LANCL2: variants seen among roughly 807,000 people sequenced by gnomAD.
LANCL2 encodes the protein LanC like glutathione S-transferase 2.
Under a neutral mutation model 56.9 loss-of-function variants are expected in LANCL2, and 33 were observed. That is an observed-to-expected ratio of 0.58 (90% CI 0.44 to 0.78). The LOEUF (loss-of-function observed/expected upper bound fraction) is 0.78, where lower values mean the gene tolerates loss of function less well. Among genes scored for constraint, LANCL2 ranks in the 30% least tolerant of loss-of-function variants. The probability of loss-of-function intolerance (pLI) is 0.00; values close to 1 mark genes in which losing one functional copy is unlikely to be tolerated. For synonymous variants in LANCL2, 233 were observed against 228.2 expected (o/e 1.02, Z -0.19); for missense variants, 562 against 580.2 (o/e 0.97, Z 0.32).
chr7:55,378,391 T>C lies in LANCL2; in HGVS notation c.204+12162T>C, dbSNP rs148164084. ...ATAAGAATCACTTGAACCCAGGAGG[T>C]AGGAGGTTGCAGTGAGCTGAGATCA... On this transcript the variant is annotated intron_variant, in intron 1 of 8. Coordinates refer to ENST00000254770, the MANE Select transcript of LANCL2 (RefSeq NM_018697.4). Among the ~76,000 whole-genome samples the C allele has an allele frequency of 4.6e-5, 7 of 151,820 alleles. No homozygotes were observed. The East Asian group carries it at 5.8e-4, about 13-fold the overall frequency.
In LANCL2 at chr7:55,431,631, T is replaced by C. The variant is rs1443387389; in HGVS notation, c.*311T>C. 1 of 280,102 alleles carries C rather than the reference T, an allele frequency of 3.6e-6. No homozygotes were observed. The highest frequency in any genetic ancestry group is 6.7e-6 in the Non-Finnish European group (1 of 149,242). The allele number at this position is 280,102 out of a possible 1,614,324, so 17.4% of individuals were successfully genotyped here. The stretch of plus-strand genomic sequence containing the variant: ...ATTCCTGAGGGCTCAGAGCTGACCA[T>C]GCATGAATGTATGGCAGTGTCCACT... On this transcript the variant is annotated 3_prime_UTR_variant, in exon 9 of 9. Coordinates refer to ENST00000254770, the MANE Select transcript of LANCL2 (RefSeq NM_018697.4).
At chr7:55,424,170 A>G (rs148706256) in intron 6 of LANCL2, among the ~76,000 whole-genome samples, 185 of 152,308 alleles carry the variant, frequency 1.2e-3, no homozygotes, top group African/African-American at 4.3e-3. Flanking sequence ...GATAACTAAG[A>G]ACAGACTCTG....
intron 8 of LANCL2, among the ~76,000 whole-genome samples, chr7:55,430,642 G>A (rs1790717253): frequency 6.6e-6 from 1 of 152,200 alleles, no homozygotes; most frequent in Admixed American, 6.5e-5. Context: ...AAGAAAAACT[G>A]TAAACAAAAA....
At position 55,427,733 on chromosome 7, in the gene LANCL2, G is replaced by C. The variant is rs533548469; in HGVS notation, c.1186-642G>C. ...TCATGTTTATTACTTATGATTCTTA[G>C]TGTACAAATGACCCTTCAAATTATG... is the stretch of plus-strand genomic sequence containing the variant. On this transcript the variant is annotated intron_variant, in intron 7 of 8. Coordinates refer to ENST00000254770, the MANE Select transcript of LANCL2 (RefSeq NM_018697.4). Among the ~76,000 whole-genome samples, 548 of 152,324 alleles carry C rather than the reference G, an allele frequency of 3.6e-3. 3 individuals are homozygous for C. The highest frequency in any genetic ancestry group is 4.8e-3 in the Non-Finnish European group (328 of 68,030).
At chr7:55,425,503 A>G in intron 7 of LANCL2, 73 bp downstream of exon 7, 1 of 1,361,578 alleles carries the variant, frequency 7.3e-7, no homozygotes, top group African/African-American at 1.4e-5. Flanking sequence ...CAGAAGTACA[A>G]CTCCTGTTCC....
At chr7:55,397,656 C>CTTTTTTTTTTT (rs10659615) in intron 2 of LANCL2, among the ~76,000 whole-genome samples, 10 of 108,820 alleles carry the variant, frequency 9.2e-5, no homozygotes, top group South Asian at 3.2e-4. Flanking sequence ...TATACTGATT[C>CTTTTTTTTTTT]TTTTTTTTTT....
chr7:55,389,417 A>G (rs910365847), intron 1 of LANCL2, among the ~76,000 whole-genome samples: 5 of 152,230 alleles, frequency 3.3e-5, no homozygotes, highest in Non-Finnish European at 5.9e-5. Flanking sequence ...TACACAAGAG[A>G]TGGACTTTAA....
Position 55,431,230 on chromosome 7 carries a change from G to A in LANCL2, c.1263G>A (p.Met421Ile). The change falls in exon 9 of 9, where the codon ATG becomes ATA. Residue 421 changes from methionine to isoleucine, a missense_variant. Physicochemically the swap from Met to Ile is conservative, Grantham distance 10. Around this residue, in one of 2 missense-constraint regions of LANCL2, gnomAD observed 378 missense variants for 468.4 expected, o/e 0.81. Coordinates refer to ENST00000254770, the MANE Select transcript of LANCL2 (RefSeq NM_018697.4). The stretch of plus-strand genomic sequence containing the variant: ...GCTCCTCATTTTACATTGCAGGCAT[G>A]GCTGGCGCTATTCACTTTCTCTCTG... ...PDRPYSLFEG[M>I]AGAIHFLSDV... 1 of 1,612,220 alleles carries A rather than the reference G, an allele frequency of 6.2e-7. No homozygotes were observed.
At chr7:55,373,100 A>G (rs1280729599) in intron 1 of LANCL2, among the ~76,000 whole-genome samples, 1 of 152,162 alleles carries the variant, frequency 6.6e-6, no homozygotes, top group Non-Finnish European at 1.5e-5. Context: ...CTGGGTCTCC[A>G]GATTCGTAAG....
chr7:55,400,235 A>C, intron 4 of LANCL2, 131 bp downstream of exon 4: 1 of 657,152 alleles, frequency 1.5e-6, no homozygotes, highest in Non-Finnish European at 2.3e-6. Flanking sequence ...CAAAAGTAAG[A>C]AATAGTCCCT....
rs1023354754 is a variant in LANCL2 at position 55,432,493 on chromosome 7, T to G, written c.*1173T>G. ...CCTTCATTAATTCTATCACATAGAT[T>G]TCAGTTTTTAGAAGGGTTTCTGTCA... is the stretch of plus-strand genomic sequence containing the variant. On this transcript the variant is annotated 3_prime_UTR_variant, in exon 9 of 9. Coordinates refer to ENST00000254770, the MANE Select transcript of LANCL2 (RefSeq NM_018697.4). 1 of 152,178 alleles carries G rather than the reference T, an allele frequency of 6.6e-6. No individual in the cohort carries two copies. The highest frequency in any genetic ancestry group is 1.5e-5 in the Non-Finnish European group (1 of 68,034). 9.4% of individuals were successfully genotyped at this position (152,178 alleles called of 1,614,324 possible). A position where few individuals can be genotyped will look rare whatever the true frequency, so the allele number is the denominator to read the frequency against.
At chr7:55,408,245 G>C (rs1790432477) in intron 5 of LANCL2, among the ~76,000 whole-genome samples, 1 of 152,178 alleles carries the variant, frequency 6.6e-6, no homozygotes, top group Non-Finnish European at 1.5e-5. Context: ...GGCAGAAATA[G>C]ACAATGGGAG....
intron 6 of LANCL2, among the ~76,000 whole-genome samples, chr7:55,417,312 A>T (rs548045288): frequency 1.3e-5 from 2 of 151,708 alleles, no homozygotes; most frequent in South Asian, 4.2e-4. Context: ...GGGATATCTG[A>T]TTGTTCCCAT....
intron 6 of LANCL2, among the ~76,000 whole-genome samples, chr7:55,412,361 T>A (rs1369810063): frequency 6.6e-6 from 1 of 152,232 alleles, no homozygotes; most frequent in African/African-American, 2.4e-5. Flanking sequence ...AGTGGTGAGA[T>A]GATTTTCATT....
At chr7:55,415,621 C>CTTTTTTTTTTCTTTTTTT (rs71031852) in intron 6 of LANCL2, among the ~76,000 whole-genome samples, 1 of 111,770 alleles carries the variant, frequency 8.9e-6, no homozygotes, top group Admixed American at 1.1e-4. Flanking sequence ...GTTTTTCTTT[C>CTTTTTTTTTTCTTTTTTT]TTTTTTTTGA....
At chr7:55,425,557 C>G (rs1790655699) in intron 7 of LANCL2, 127 bp downstream of exon 7, 1 of 833,522 alleles carries the variant, frequency 1.2e-6, no homozygotes. Flanking sequence ...TCCTCTTTTT[C>G]TTCTGGCACA....
At chr7:55,403,569 GTTTTT>G (rs34481346) in intron 5 of LANCL2, among the ~76,000 whole-genome samples, 5 of 99,486 alleles carry the variant, frequency 5.0e-5, no homozygotes, top group Non-Finnish European at 1.0e-4. Flanking sequence ...TTTGTTTGTT[GTTTTT>G]TTTTTTTTTT....
chr7:55,382,872 G>A (rs1790084922), intron 1 of LANCL2, among the ~76,000 whole-genome samples: 3 of 152,228 alleles, frequency 2.0e-5, no homozygotes, highest in Admixed American at 1.3e-4. Context: ...TGGCTAATTT[G>A]TTAGTCTTAA....
At chr7:55,427,836 A>G (rs992349733) in intron 7 of LANCL2, among the ~76,000 whole-genome samples, 1 of 152,236 alleles carries the variant, frequency 6.6e-6, no homozygotes, top group African/African-American at 2.4e-5. Flanking sequence ...GAAAGGGTCA[A>G]GGAGCTCAGA....
Sources: gnomAD v4.1 joint callset for allele counts (sites outside exome capture counted in the v4.1 genomes callset) on GRCh38, gnomAD v4.1.1 for gene constraint, gnomAD v4.1.1 regional missense constraint, MANE v1.5 for transcripts, NCBI Gene and HGNC (gene_info 2026-07-23, HGNC 2026-07-21) for gene names.